RHBDD1: variants seen among roughly 807,000 people sequenced by gnomAD.
RHBDD1 encodes the protein rhomboid domain containing 1.
RHBDD1 carries 38 observed loss-of-function variants against 36.3 expected under a neutral mutation model. That is an observed-to-expected ratio of 1.05 (90% CI 0.81 to 1.37). The LOEUF is 1.37. RHBDD1 is among the 40% of genes most tolerant of loss of function. The probability of loss-of-function intolerance (pLI) is 0.00; values close to 1 mark genes in which losing one functional copy is unlikely to be tolerated. For missense variants in RHBDD1, 393 were observed against 377.6 expected (o/e 1.04, Z -0.34); for synonymous variants, 151 against 136.5 (o/e 1.11, Z -0.74).
Position 226,906,659 on chromosome 2 carries a change from T to G in RHBDD1, c.567-134T>G, listed in dbSNP as rs1015347600. ...TTCTTTGGACTGAGTTAAATGCTGCTTAGCATAAAAGACTTGATGTGGAAC... is the reference window on the plus strand; with the variant it reads ...TTCTTTGGACTGAGTTAAATGCTGCGTAGCATAAAAGACTTGATGTGGAAC... On this transcript the variant is annotated intron_variant, in intron 5 of 8. Transcript: ENST00000392062. 11 of 1,533,592 alleles carry G rather than the reference T, an allele frequency of 7.2e-6. No individual in the cohort carries two copies. In the African/African-American group the frequency reaches 1.1e-4, roughly 15 times the overall value. 95.0% of individuals were successfully genotyped at this position (1,533,592 alleles called of 1,614,324 possible).
Position 226,864,619 on chromosome 2 carries a change from T to A in RHBDD1, c.-75T>A. 1 of 1,205,804 alleles carries A rather than the reference T, an allele frequency of 8.3e-7. No homozygotes were observed. The highest frequency in any genetic ancestry group is 1.2e-6 in the Non-Finnish European group (1 of 837,210). 74.7% of individuals were successfully genotyped at this position (1,205,804 alleles called of 1,614,324 possible). A position where few individuals can be genotyped will look rare whatever the true frequency, so the allele number is the denominator to read the frequency against. ...TGTGTTTTAGGTTCAGCCGTCTGTA[T>A]ATCTCCCCAGATACCTGAAACTGAC... is the stretch of plus-strand genomic sequence containing the variant. On this transcript the variant is annotated 5_prime_UTR_variant, in exon 4 of 9. Transcript: ENST00000392062.
At position 226,979,293 on chromosome 2, in the gene RHBDD1, A is replaced by G. The variant is rs982653955; in HGVS notation, c.857-16138A>G. ...GGTTCTTGTCACACAACCAGGAAAG[A>G]TAAGGCTTATGGACACATAGAAGGG... is the stretch of plus-strand genomic sequence containing the variant. On this transcript the variant is annotated intron_variant, in intron 8 of 8. Coordinates refer to ENST00000392062, the MANE Select transcript of RHBDD1 (RefSeq NM_001167608.3). Among the ~76,000 whole-genome samples, 7 of 152,296 alleles carry G rather than the reference A, an allele frequency of 4.6e-5. No homozygotes were observed. The East Asian group carries it at 1.4e-3, about 29-fold the overall frequency.
intron 8 of RHBDD1, among the ~76,000 whole-genome samples, chr2:226,993,379 G>A (rs995200441): frequency 6.6e-6 from 1 of 152,190 alleles, no homozygotes; most frequent in African/African-American, 2.4e-5. Flanking sequence ...AGGCCATCTG[G>A]AATGAGGTGT....
chr2:226,841,533 T>A (rs1205347411), intron 3 of RHBDD1, among the ~76,000 whole-genome samples: 1 of 152,166 alleles, frequency 6.6e-6, no homozygotes, highest in Admixed American at 6.5e-5. Context: ...TAGCTCCCAG[T>A]TATAAGTGAG....
chr2:226,857,329 A>C (rs1287600046), intron 3 of RHBDD1, among the ~76,000 whole-genome samples: 4 of 152,198 alleles, frequency 2.6e-5, no homozygotes, highest in African/African-American at 9.6e-5. Context: ...ACCCCTGTAC[A>C]GTGCTGAAGG....
chr2:226,842,646 T>TAA (rs1275772671), intron 3 of RHBDD1, among the ~76,000 whole-genome samples: 3 of 152,200 alleles, frequency 2.0e-5, no homozygotes, highest in Non-Finnish European at 4.4e-5. Flanking sequence ...TCTGTCTATG[T>TAA]ATCTGTTCTT....
chr2:226,880,790 A>C (rs1945657692), intron 5 of RHBDD1, among the ~76,000 whole-genome samples: 1 of 152,214 alleles, frequency 6.6e-6, no homozygotes, highest in South Asian at 2.1e-4. Flanking sequence ...AACTTCTTTT[A>C]AAAACTGGTT....
chr2:226,939,037 A>G (rs1206729904), intron 8 of RHBDD1, among the ~76,000 whole-genome samples: 1 of 152,244 alleles, frequency 6.6e-6, no homozygotes, highest in Non-Finnish European at 1.5e-5. Context: ...TCACTTGATT[A>G]TCTCAATAGA....
At chr2:226,988,704 G>T (rs773039710) in intron 8 of RHBDD1, 3 of 960,208 alleles carry the variant, frequency 3.1e-6, no homozygotes, top group Non-Finnish European at 3.7e-6. Flanking sequence ...TCATTTTACA[G>T]ACCTCATATA....
At chr2:226,988,543 G>C in intron 8 of RHBDD1, 1 of 1,442,914 alleles carries the variant, frequency 6.9e-7, no homozygotes, top group Non-Finnish European at 9.1e-7. Flanking sequence ...TGCCAGGCTG[G>C]CCCTCTCTGC....
At chr2:226,929,579 C>G (rs1034773364) in intron 8 of RHBDD1, among the ~76,000 whole-genome samples, 2 of 151,972 alleles carry the variant, frequency 1.3e-5, no homozygotes, top group Non-Finnish European at 2.9e-5. Context: ...AGAATTCCCT[C>G]TAAGAACTGG....
At chr2:226,831,704 AC>A (rs1045955440), upstream of RHBDD1, among the ~76,000 whole-genome samples, 9 of 149,700 alleles carry the variant, frequency 6.0e-5, no homozygotes, top group Admixed American at 1.3e-4. Flanking sequence ...AGTTTATAAT[AC>A]TTTTTTTTTT....
intron 8 of RHBDD1, among the ~76,000 whole-genome samples, chr2:226,920,128 T>C (rs1157052251): frequency 6.6e-6 from 1 of 151,928 alleles, no homozygotes; most frequent in Non-Finnish European, 1.5e-5. Flanking sequence ...AAATAAAAAC[T>C]TGTAAATAAA....
chr2:226,880,904 G>T (rs1945667735), intron 5 of RHBDD1, among the ~76,000 whole-genome samples: 1 of 152,144 alleles, frequency 6.6e-6, no homozygotes, highest in African/African-American at 2.4e-5. Flanking sequence ...TAGAAAAGTT[G>T]CAGATATACA....
intron 3 of RHBDD1, among the ~76,000 whole-genome samples, chr2:226,848,032 T>G (rs1036251903): frequency 2.6e-5 from 4 of 152,224 alleles, no homozygotes; most frequent in Admixed American, 1.3e-4. Flanking sequence ...GTTCCTCAGC[T>G]TCTCTATTTA....
At chr2:226,967,501 A>G (rs990798321) in intron 8 of RHBDD1, among the ~76,000 whole-genome samples, 4 of 151,724 alleles carry the variant, frequency 2.6e-5, no homozygotes, top group African/African-American at 9.7e-5. Flanking sequence ...GTCATTTAAC[A>G]TTAGGTATAT....
At chr2:226,851,582 C>G (rs1942817764) in intron 3 of RHBDD1, among the ~76,000 whole-genome samples, 1 of 151,920 alleles carries the variant, frequency 6.6e-6, no homozygotes, top group Non-Finnish European at 1.5e-5. Context: ...TTTTTAACCT[C>G]AAGTTTCCAA....
At chr2:226,898,825 CT>C (rs1288333704) in intron 5 of RHBDD1, among the ~76,000 whole-genome samples, 1 of 152,174 alleles carries the variant, frequency 6.6e-6, no homozygotes, top group African/African-American at 2.4e-5. Context: ...CTATTAACTG[CT>C]TTTACAGGAA....
At chr2:226,839,891 C>T (rs1282086731) in intron 3 of RHBDD1, among the ~76,000 whole-genome samples, 1 of 152,002 alleles carries the variant, frequency 6.6e-6, no homozygotes, top group African/African-American at 2.4e-5. Context: ...ACAAATGACT[C>T]GGGGAAAAAG....
Sources: allele counts gnomAD v4.1 joint callset (sites outside exome capture counted in the v4.1 genomes callset), GRCh38; gene constraint gnomAD v4.1.1; transcripts MANE v1.5; gene names NCBI Gene and HGNC (gene_info 2026-07-23, HGNC 2026-07-21).